MTUS2: variants seen among roughly 807,000 people sequenced by gnomAD.
MTUS2 encodes the protein microtubule associated scaffold protein 2.
MTUS2 carries 40 observed loss-of-function variants against 114.1 expected under a neutral mutation model. The ratio of observed to expected loss-of-function variants is 0.35; its 90% CI spans 0.27 to 0.46. The LOEUF (loss-of-function observed/expected upper bound fraction) is 0.46. Ranked by LOEUF, MTUS2 falls within the 20% of genes least tolerant of loss-of-function variation. MTUS2 has a pLI of 1.00. For missense variants in MTUS2, 1,679 were observed against 1,705.4 expected, an observed-to-expected ratio of 0.98 and a Z score of 0.27; for synonymous variants, 688 against 672.0, an observed-to-expected ratio of 1.02 and a Z score of -0.37.
intron 5 of MTUS2, among the ~76,000 whole-genome samples, chr13:29,257,554 G>A (rs1593230458): frequency 6.6e-6 from 1 of 152,200 alleles, no homozygotes; most frequent in African/African-American, 2.4e-5. Flanking sequence ...ACGTGAAGGA[G>A]GGAGTGGCCT....
At chr13:29,311,309 C>A (rs1899750597) in intron 6 of MTUS2, among the ~76,000 whole-genome samples, 1 of 152,208 alleles carries the variant, frequency 6.6e-6, no homozygotes, top group Admixed American at 6.5e-5. Context: ...TGCCAGTGAT[C>A]TTCTATTCCC....
intron 2 of MTUS2, among the ~76,000 whole-genome samples, chr13:28,896,032 A>C (rs1026441189): frequency 6.6e-6 from 1 of 152,220 alleles, no homozygotes; most frequent in Non-Finnish European, 1.5e-5. Context: ...AAAAGAAAAC[A>C]TAATTAACAT....
chr13:29,467,193 A>G (rs1593477124), intron 9 of MTUS2, among the ~76,000 whole-genome samples: 1 of 152,226 alleles, frequency 6.6e-6, no homozygotes, highest in South Asian at 2.1e-4. Context: ...GCAATTCTAC[A>G]TAGCGAAGAG....
Position 29,480,197 on chromosome 13 carries a change from C to T in MTUS2, c.3232C>T (p.Leu1078=). 1 of 1,557,574 alleles carries T rather than the reference C, an allele frequency of 6.4e-7. No individual in the cohort carries two copies. The highest frequency in any genetic ancestry group is 1.2e-5 in the South Asian group (1 of 84,304). Reference sequence around the variant, plus strand: ...GAAACTACAAAAGGAGAAGGAGGAGCTGGAGAGGCGGTTCGAGGACGAGGT... The same window carrying T: ...GAAACTACAAAAGGAGAAGGAGGAGTTGGAGAGGCGGTTCGAGGACGAGGT... ...CEKLQKEKEE[L]ERRFEDEVKR... is the part of the protein sequence containing the mutation. Residue 1078 remains leucine (L), a synonymous_variant, in exon 10 of 16, where the codon CTG becomes TTG. Coordinates refer to ENST00000612955, the MANE Select transcript of MTUS2 (RefSeq NM_001033602.4). This position sits in a 1 kb window ranked among gnomAD's most constrained non-coding sequence, Gnocchi z 4.4.
intron 9 of MTUS2, among the ~76,000 whole-genome samples, chr13:29,458,625 C>G (rs549573033): frequency 6.6e-6 from 1 of 152,202 alleles, no homozygotes; most frequent in East Asian, 1.9e-4. Context: ...ACCACTCTCT[C>G]CCAATCTCTA....
chr13:29,458,021 G>A (rs1050600412), intron 9 of MTUS2, among the ~76,000 whole-genome samples: 4 of 152,120 alleles, frequency 2.6e-5, no homozygotes, highest in Admixed American at 2.6e-4. Flanking sequence ...CAAAGTGCTG[G>A]GATTATAGGC....
intron 2 of MTUS2, among the ~76,000 whole-genome samples, chr13:28,876,191 G>C (rs1408844049): frequency 6.6e-6 from 1 of 152,150 alleles, no homozygotes; most frequent in Non-Finnish European, 1.5e-5. Context: ...GAATACCCTG[G>C]TGAGTTGTGG....
intron 9 of MTUS2, among the ~76,000 whole-genome samples, chr13:29,456,012 AAG>A (rs1879083813): frequency 2.0e-5 from 3 of 152,130 alleles, no homozygotes; most frequent in Non-Finnish European, 2.9e-5. Flanking sequence ...TTGTGTAAAA[AAG>A]AGAAAGAAAT....
At chr13:28,869,137 G>A (rs1877471208) in intron 2 of MTUS2, among the ~76,000 whole-genome samples, 1 of 152,142 alleles carries the variant, frequency 6.6e-6, no homozygotes, top group Non-Finnish European at 1.5e-5. Context: ...GAACCATTTG[G>A]AGCTGTTGAA....
Position 29,207,105 on chromosome 13 carries a change from T to C in MTUS2, c.2645-74599T>C, listed in dbSNP as rs1593603364. Among the ~76,000 whole-genome samples, 5 of 152,096 alleles carry C rather than the reference T, an allele frequency of 3.3e-5. No homozygotes were observed. The East Asian group carries it at 7.7e-4, about 23-fold the overall frequency. ...TTTTCGGCAGTGTTTTATAGTTTTC[T>C]TTGTAGAGGTCTTTCACCCCCTTGG... is the stretch of plus-strand genomic sequence containing the variant. On this transcript the variant is annotated intron_variant, in intron 5 of 15. Coordinates refer to ENST00000612955, the MANE Select transcript of MTUS2 (RefSeq NM_001033602.4).
chr13:29,288,768 C>T (rs978036252), intron 6 of MTUS2, among the ~76,000 whole-genome samples: 4 of 152,078 alleles, frequency 2.6e-5, no homozygotes, highest in Non-Finnish European at 5.9e-5. Flanking sequence ...CGCATTCTGC[C>T]CCTCCACTAC....
intron 5 of MTUS2, among the ~76,000 whole-genome samples, chr13:29,109,754 A>G (rs931965617): frequency 6.6e-6 from 1 of 152,214 alleles, no homozygotes; most frequent in African/African-American, 2.4e-5. Flanking sequence ...ATTTCCATCC[A>G]TTGGCCATGT....
At chr13:29,448,540 C>T (rs1878448141) in intron 9 of MTUS2, among the ~76,000 whole-genome samples, 1 of 151,680 alleles carries the variant, frequency 6.6e-6, no homozygotes, top group Non-Finnish European at 1.5e-5. Context: ...TGCAGCTGCC[C>T]CCAGTCCCCA....
intron 7 of MTUS2, among the ~76,000 whole-genome samples, chr13:29,338,392 G>A (rs959502330): frequency 2.0e-4 from 31 of 151,842 alleles, no homozygotes; most frequent in African/African-American, 7.2e-4. Context: ...TTGAAGACCA[G>A]CCTGGGCAAC....
At chr13:29,217,876 G>T (rs1160432147) in intron 5 of MTUS2, among the ~76,000 whole-genome samples, 1 of 152,152 alleles carries the variant, frequency 6.6e-6, no homozygotes, top group Non-Finnish European at 1.5e-5. Flanking sequence ...TTAGCACTTT[G>T]GGAGGCCAAG....
chr13:29,322,219 T>A (rs767484421), intron 6 of MTUS2, among the ~76,000 whole-genome samples: 2 of 152,156 alleles, frequency 1.3e-5, no homozygotes, highest in Admixed American at 6.5e-5. Context: ...CACAAAACAT[T>A]AGGTTTAGTG....
At chr13:29,306,794 C>T (rs778785084) in intron 6 of MTUS2, 16 of 375,012 alleles carry the variant, frequency 4.3e-5, no homozygotes, top group Non-Finnish European at 7.0e-5. Context: ...AAGGTGAAGG[C>T]CAGAGTCGAC....
intron 8 of MTUS2, among the ~76,000 whole-genome samples, chr13:29,360,968 G>T (rs986137641): frequency 2.6e-5 from 4 of 152,128 alleles, no homozygotes; most frequent in African/African-American, 9.7e-5. Context: ...GATGGACAAA[G>T]CAATAGATAT....
At chr13:29,203,651 C>T (rs1382074775) in intron 5 of MTUS2, among the ~76,000 whole-genome samples, 1 of 151,470 alleles carries the variant, frequency 6.6e-6, no homozygotes, top group African/African-American at 2.4e-5. Context: ...GCCCTGGTGG[C>T]ATAGGCACCC....
Sources: allele counts gnomAD v4.1 joint callset (sites outside exome capture counted in the v4.1 genomes callset), GRCh38; gene constraint gnomAD v4.1.1; non-coding constraint Gnocchi (gnomAD v3.1); transcripts MANE v1.5; gene names NCBI Gene and HGNC (gene_info 2026-07-23, HGNC 2026-07-21).